Variants in SEC22A observed in about 807,000 individuals in gnomAD.
SEC22A encodes SEC22 homolog A, vesicle trafficking protein.
A neutral mutation model predicts 35.3 loss-of-function variants in SEC22A; 22 were observed. That is an observed-to-expected ratio of 0.62 (90% CI 0.45 to 0.89). The LOEUF (loss-of-function observed/expected upper bound fraction) is 0.89. Ranked by LOEUF, SEC22A falls within the 40% of genes least tolerant of loss-of-function variation. SEC22A has a pLI of 0.00. For synonymous variants in SEC22A, 119 were observed against 129.5 expected (o/e 0.92, Z 0.55); for missense variants, 354 against 362.5 (o/e 0.98, Z 0.19).
chr3:123,226,098 G>C (rs1031735256), intron 4 of SEC22A, among the ~76,000 whole-genome samples: 3 of 152,184 alleles, frequency 2.0e-5, no homozygotes, highest in African/African-American at 7.2e-5. Context: ...CCGTTTGTCT[G>C]ATGATGGGCA....
chr3:123,207,525 A>T (rs1237634577), intron 1 of SEC22A, among the ~76,000 whole-genome samples: 1 of 152,182 alleles, frequency 6.6e-6, no homozygotes, highest in Admixed American at 6.5e-5. Flanking sequence ...TTGTGCTTTG[A>T]TGGCCTGACA....
At chr3:123,229,852 A>G (rs1230285577) in intron 4 of SEC22A, among the ~76,000 whole-genome samples, 1 of 148,292 alleles carries the variant, frequency 6.7e-6, no homozygotes, top group Non-Finnish European at 1.5e-5. Context: ...ACAGAGCAAG[A>G]CTTCATCTCA....
At position 123,211,779 on chromosome 3, in the gene SEC22A, G is replaced by A. The variant is rs1022740733; in HGVS notation, c.182+2380G>A. Among the ~76,000 whole-genome samples, 11 of 152,126 alleles carry A rather than the reference G, an allele frequency of 7.2e-5. No individual in the cohort carries two copies. In the South Asian group the frequency reaches 2.3e-3, roughly 32 times the overall value. ...GGCCCACTTTAATTATTTAACTTGA[G>A]GTTTTAGGCCAAGCACAGTGGCTCA... On this transcript the variant is annotated intron_variant, in intron 2 of 6. Transcript: ENST00000492595.
chr3:123,226,320 A>G (rs59595876), intron 4 of SEC22A, among the ~76,000 whole-genome samples: 3,517 of 152,300 alleles, frequency 0.023, 138 homozygotes, highest in African/African-American at 0.08. Flanking sequence ...ATCCCCACCA[A>G]CAGTGTTCCC....
chr3:123,213,570 G>A (rs1936975011), intron 2 of SEC22A, among the ~76,000 whole-genome samples: 1 of 152,062 alleles, frequency 6.6e-6, no homozygotes. Context: ...GAACTCGGTT[G>A]ACTGCCTTTT....
At chr3:123,236,164 TTG>T (rs1937416250) in intron 4 of SEC22A, among the ~76,000 whole-genome samples, 1 of 152,182 alleles carries the variant, frequency 6.6e-6, no homozygotes, top group African/African-American at 2.4e-5. Context: ...AACTCCTGAA[TTG>T]TGTGTTTTAA....
In SEC22A at chr3:123,245,952, A is replaced by T. The variant is rs1310058060; in HGVS notation, c.595A>T (p.Ser199Cys). 6.2e-7 allele frequency: 1 copy of T among 1,613,250 alleles called. No homozygotes were observed. The highest frequency in any genetic ancestry group is 8.5e-7 in the Non-Finnish European group (1 of 1,179,296). The change falls in exon 5 of 7, where the codon AGT becomes TGT. Residue 199 changes from serine to cysteine, a missense_variant. By Grantham distance (112) the Ser-to-Cys change is moderately radical (BLOSUM62 -1). Coordinates refer to ENST00000492595, the MANE Select transcript of SEC22A (RefSeq NM_012430.5). The part of the protein sequence containing the change: ...TLSGIVGFIL[S>C]LLCGALNLIR... ...GTCAGGGATTGTAGGATTTATCCTT[A>T]GTCTTTTATGTGGAGCTCTGAATTT...
chr3:123,240,024 A>T (rs1937500269), intron 4 of SEC22A, among the ~76,000 whole-genome samples: 1 of 152,090 alleles, frequency 6.6e-6, no homozygotes, highest in Non-Finnish European at 1.5e-5. Context: ...GATGATTGGG[A>T]TAGGGAAATA....
rs550142041 is a variant in SEC22A at position 123,273,021 on chromosome 3, C to T, written c.*1299C>T. On this transcript the variant is annotated 3_prime_UTR_variant, in exon 7 of 7. Coordinates refer to ENST00000492595, the MANE Select transcript of SEC22A (RefSeq NM_012430.5). Reference sequence around the variant, plus strand: ...CACAGTTGGATTCCACTAGCAAAATCTATAACTCTCATGGTTTTGGAAGTC... The same window carrying T: ...CACAGTTGGATTCCACTAGCAAAATTTATAACTCTCATGGTTTTGGAAGTC... The T allele has an allele frequency of 2.2e-4, 34 of 153,844 alleles. No individual in the cohort carries two copies. Among genetic ancestry groups the T allele is most frequent in the African/African-American group, 7.9e-4 (33 of 41,576 alleles). 9.5% of individuals were successfully genotyped at this position (153,844 alleles called of 1,614,324 possible).
chr3:123,269,179 A>ATGTGTGTGTG lies in SEC22A; in HGVS notation c.724-2315_724-2306dup, dbSNP rs200267944. Among the ~76,000 whole-genome samples, 505 of 120,706 alleles carry ATGTGTGTGTG rather than the reference A, an allele frequency of 4.2e-3. 4 individuals carry two copies. Among genetic ancestry groups the ATGTGTGTGTG allele is most frequent in the African/African-American group, 0.013 (431 of 32,302 alleles). 79.2% of individuals were successfully genotyped at this position (120,706 alleles called of 152,430 possible). ...CCTTGGAAAACCTTGAATTAAATAT[A>ATGTGTGTGTG]TGTGTGTGTGTGTGTGTGTGTGTGT... On this transcript the variant is annotated intron_variant, in intron 6 of 6. Coordinates refer to ENST00000492595, the MANE Select transcript of SEC22A (RefSeq NM_012430.5).
chr3:123,239,423 T>C (rs1937484360), intron 4 of SEC22A, among the ~76,000 whole-genome samples: 1 of 152,072 alleles, frequency 6.6e-6, no homozygotes, highest in Admixed American at 6.5e-5. Flanking sequence ...ATTAGGTATA[T>C]CTCCTAATGC....
At chr3:123,202,112 C>T (rs1239275574) in intron 1 of SEC22A, 126 bp downstream of exon 1, 1 of 152,926 alleles carries the variant, frequency 6.5e-6, no homozygotes, top group Non-Finnish European at 1.5e-5. Context: ...GGATTGAAGA[C>T]CTACCCCACG....
At chr3:123,242,288 C>T (rs1175978724) in intron 4 of SEC22A, among the ~76,000 whole-genome samples, 4 of 152,148 alleles carry the variant, frequency 2.6e-5, no homozygotes, top group Admixed American at 6.6e-5. Context: ...CCCACCATCA[C>T]CTCAAATATG....
chr3:123,210,962 G>C (rs1936932180), intron 2 of SEC22A, among the ~76,000 whole-genome samples: 1 of 152,192 alleles, frequency 6.6e-6, no homozygotes, highest in South Asian at 2.1e-4. Context: ...TTTATGGATA[G>C]TTGTGAGACA....
chr3:123,215,637 G>T (rs1274829581), intron 2 of SEC22A, among the ~76,000 whole-genome samples: 1 of 152,124 alleles, frequency 6.6e-6, no homozygotes, highest in East Asian at 1.9e-4. Flanking sequence ...TGAGACTTAG[G>T]AATGTAAAGG....
chr3:123,247,079 C>T (rs1448225090), intron 5 of SEC22A, among the ~76,000 whole-genome samples: 2 of 152,180 alleles, frequency 1.3e-5, no homozygotes, highest in East Asian at 3.8e-4. Flanking sequence ...GCTGCTGTCC[C>T]TCGGCCTTTC....
At chr3:123,258,154 GA>G (rs974358780) in intron 5 of SEC22A, among the ~76,000 whole-genome samples, 1 of 152,114 alleles carries the variant, frequency 6.6e-6, no homozygotes, top group African/African-American at 2.4e-5. Flanking sequence ...TCGTGTGGTT[GA>G]GGAATATTTA....
intron 4 of SEC22A, among the ~76,000 whole-genome samples, chr3:123,226,423 GT>G (rs766817534): frequency 4.5e-4 from 69 of 152,114 alleles, no homozygotes; most frequent in Non-Finnish European, 8.2e-4. Flanking sequence ...TTGTAGTTTT[GT>G]TTTGCATTTC....
chr3:123,240,994 C>T (rs930269886), intron 4 of SEC22A, among the ~76,000 whole-genome samples: 5 of 123,212 alleles, frequency 4.1e-5, no homozygotes, highest in Non-Finnish European at 8.5e-5. Flanking sequence ...TTACTAATCT[C>T]TCTTTCTTAC....
Sources: allele counts gnomAD v4.1 joint callset (sites outside exome capture counted in the v4.1 genomes callset), GRCh38; gene constraint gnomAD v4.1.1; transcripts MANE v1.5; gene names NCBI Gene and HGNC (gene_info 2026-07-23, HGNC 2026-07-21).